Variants in ZCCHC2 observed in about 807,000 individuals in gnomAD.
The protein encoded by ZCCHC2 is zinc finger CCHC domain-containing protein 2.
In ZCCHC2, 39 loss-of-function variants were observed where a neutral mutation model predicts 103.6. The ratio of observed to expected loss-of-function variants is 0.38; its 90% CI spans 0.29 to 0.49. The LOEUF is 0.49. ZCCHC2 is among the 20% of genes least tolerant of loss of function. The pLI is 0.96. For synonymous variants in ZCCHC2, 687 were observed against 608.9 expected, an observed-to-expected ratio of 1.13 and a Z score of -1.89; for missense variants, 1,483 against 1,491.0, an observed-to-expected ratio of 0.99 and a Z score of 0.09.
At chr18:62,560,132 A>G (rs1916055610) in intron 7 of ZCCHC2, among the ~76,000 whole-genome samples, 1 of 152,128 alleles carries the variant, frequency 6.6e-6, no homozygotes, top group South Asian at 2.1e-4. Context: ...GATGAGGGGG[A>G]GTGGAATGGA....
intron 1 of ZCCHC2, among the ~76,000 whole-genome samples, chr18:62,528,088 T>G (rs1914514462): frequency 6.6e-6 from 1 of 152,196 alleles, no homozygotes; most frequent in Non-Finnish European, 1.5e-5. Context: ...TCTCTGGAGA[T>G]TGTGTCACCA....
chr18:62,530,194 T>G (rs1277143173), intron 1 of ZCCHC2, among the ~76,000 whole-genome samples: 2 of 151,990 alleles, frequency 1.3e-5, no homozygotes, highest in African/African-American at 4.8e-5. Context: ...TCAGGAAGAG[T>G]GTCATAGAGG....
Position 62,523,289 on chromosome 18 carries a change from C to CCCCCGG in ZCCHC2, c.-126_-121dup, listed in dbSNP as rs1177308628. 8.3e-6 allele frequency: 7 copies of CCCCCGG among 843,942 alleles called. No individual in the cohort carries two copies. In the South Asian group the frequency reaches 2.1e-4, roughly 25 times the overall value. The allele number at this position is 843,942 out of a possible 1,614,324, so 52.3% of individuals were successfully genotyped here. ...CGCCCCCCTCGCCGGCCGAGACCCG[C>CCCCCGG]CCCCGGCCCCGGCCCTCCCCCGGCG... On this transcript the variant is annotated 5_prime_UTR_variant, in exon 1 of 14. Transcript: ENST00000269499.
chr18:62,532,323 T>C (rs927100717), intron 1 of ZCCHC2, among the ~76,000 whole-genome samples: 2 of 152,242 alleles, frequency 1.3e-5, no homozygotes, highest in African/African-American at 4.8e-5. Flanking sequence ...CATCACATCC[T>C]GAATACACAC....
chr18:62,525,365 T>C (rs1271633903), intron 1 of ZCCHC2: 2 of 151,828 alleles, frequency 1.3e-5, no homozygotes, highest in African/African-American at 4.8e-5. Context: ...TCAGTAAGAG[T>C]GAGAACTGTA....
intron 11 of ZCCHC2, among the ~76,000 whole-genome samples, chr18:62,568,851 A>G (rs1916478188): frequency 6.6e-6 from 1 of 152,236 alleles, no homozygotes; most frequent in Non-Finnish European, 1.5e-5. Context: ...GTCCAATTTA[A>G]TGACAACTTA....
At chr18:62,579,744 C>A (rs562751708), downstream of ZCCHC2, among the ~76,000 whole-genome samples, 24 of 151,844 alleles carry the variant, frequency 1.6e-4, no homozygotes, top group Admixed American at 6.6e-4. Flanking sequence ...TTTTGTGAGA[C>A]ATGCTTTAGC....
chr18:62,576,734 C>A lies in ZCCHC2; in HGVS notation c.*155C>A. 1 of 663,046 alleles carries A rather than the reference C, an allele frequency of 1.5e-6. No homozygotes were observed. The highest frequency in any genetic ancestry group is 2.5e-6 in the Non-Finnish European group (1 of 397,186). 41.1% of individuals were successfully genotyped at this position (663,046 alleles called of 1,614,324 possible). On this transcript the variant is annotated 3_prime_UTR_variant, in exon 14 of 14. Transcript: ENST00000269499. Reference sequence around the variant, plus strand: ...ATTTCTCTTGTACCAATGTCCAAAACAAGAAAGAATGCAATGCTTTTGAGC... The same window carrying A: ...ATTTCTCTTGTACCAATGTCCAAAAAAAGAAAGAATGCAATGCTTTTGAGC...
rs1914192996 is a variant in ZCCHC2 at position 62,523,833 on chromosome 18, C to T, written c.409C>T (p.Leu137=). ...LRFLGSCLED[L]ARKDYHYLRD... ...CTTCCTTGGCTCGTGCCTGGAGGACCTGGCGCGCAAGGACTACCACTACCT... is the reference window on the plus strand; with the variant it reads ...CTTCCTTGGCTCGTGCCTGGAGGACTTGGCGCGCAAGGACTACCACTACCT... The change falls in exon 1 of 14, where the codon CTG becomes TTG. Residue 137 remains leucine (L), a synonymous_variant. Transcript: ENST00000269499. 4.5e-6 allele frequency: 7 copies of T among 1,544,770 alleles called. No homozygotes were observed. In the African/African-American group the frequency reaches 6.9e-5, roughly 15 times the overall value.
At chr18:62,524,910 T>A (rs3810025) in intron 1 of ZCCHC2, 15,463 of 153,596 alleles carry the variant, frequency 0.1, 813 homozygotes, top group Non-Finnish European at 0.11. Context: ...AGGGACTTTT[T>A]TTGCCCAGTG....
intron 2 of ZCCHC2, 143 bp downstream of exon 2, chr18:62,539,935 GTCC>G: frequency 1.5e-6 from 1 of 668,534 alleles, no homozygotes; most frequent in Non-Finnish European, 2.5e-6. Flanking sequence ...TCAAGAGCCA[GTCC>G]TCCTAGTTCT....
At chr18:62,572,426 T>C (rs1916631753) in intron 12 of ZCCHC2, among the ~76,000 whole-genome samples, 1 of 152,174 alleles carries the variant, frequency 6.6e-6, no homozygotes, top group African/African-American at 2.4e-5. Flanking sequence ...TGGAGGCCTG[T>C]GTGGAGGAAC....
At chr18:62,559,907 A>T (rs923948794) in intron 7 of ZCCHC2, among the ~76,000 whole-genome samples, 1 of 152,238 alleles carries the variant, frequency 6.6e-6, no homozygotes, top group Non-Finnish European at 1.5e-5. Flanking sequence ...CATAACAACT[A>T]TTTGCATAGC....
downstream of ZCCHC2, among the ~76,000 whole-genome samples, chr18:62,582,718 G>A (rs918312073): frequency 5.9e-5 from 9 of 152,014 alleles, no homozygotes; most frequent in African/African-American, 1.7e-4. Context: ...TAATCTATGG[G>A]AAAGGTCCAA....
intron 1 of ZCCHC2, among the ~76,000 whole-genome samples, chr18:62,531,240 G>A (rs1914659553): frequency 6.6e-6 from 1 of 152,048 alleles, no homozygotes; most frequent in Non-Finnish European, 1.5e-5. Context: ...TCCTTTTTCT[G>A]TAAACAATCA....
Position 62,524,358 on chromosome 18 carries a change from G to A in ZCCHC2, c.934G>A (p.Ala312Thr). 2.6e-6 allele frequency: 4 copies of A among 1,518,848 alleles called. No homozygotes were observed. The highest frequency in any genetic ancestry group is 2.6e-6 in the Non-Finnish European group (3 of 1,135,292). 94.1% of individuals were successfully genotyped at this position (1,518,848 alleles called of 1,614,324 possible). The change falls in exon 1 of 14, where the codon GCC becomes ACC. Residue 312 changes from alanine to threonine, a missense_variant. Ala to Thr is a moderately conservative substitution (Grantham distance 58, BLOSUM62 0). This residue lies in a region of ZCCHC2 where 568 missense variants were observed against 525.1 expected (regional missense o/e 1.08). Coordinates refer to ENST00000269499, the MANE Select transcript of ZCCHC2 (RefSeq NM_017742.6). The stretch of plus-strand genomic sequence containing the variant: ...GCCGTGCAAGTTTGCCGGCCCCAGG[G>A]CCCAGGTAAGGCGCACGGAGCCTCC... ...VEPCKFAGPRAQNNSAHGDYM... is the reference protein window; with the variant it reads ...VEPCKFAGPRTQNNSAHGDYM...
intron 8 of ZCCHC2, 50 bp from the exon 9 acceptor site, chr18:62,562,959 G>A (rs1486195261): frequency 6.4e-7 from 1 of 1,571,534 alleles, no homozygotes; most frequent in Middle Eastern, 1.7e-4. Context: ...AATGAAATAG[G>A]TTATTATTGA....
At position 62,523,376 on chromosome 18, in the gene ZCCHC2, G is replaced by GGGGGGGGGGGCCCCCC; in HGVS notation, c.-49_-48insGGGGGGGGGGCCCCCC. ...GCCTCGGCCCGTGCTCCACCTCGCG[G>GGGGGGGGGGGCCCCCC]CCCCTCCCGCCCGCCCCCGCTCGCA... On this transcript the variant is annotated 5_prime_UTR_variant, in exon 1 of 14. Transcript: ENST00000269499. 9.9e-7 allele frequency: 1 copy of GGGGGGGGGGGCCCCCC among 1,012,356 alleles called. No homozygotes were observed. Among genetic ancestry groups the GGGGGGGGGGGCCCCCC allele is most frequent in the Non-Finnish European group, 1.2e-6 (1 of 848,992 alleles). The allele number at this position is 1,012,356 out of a possible 1,614,324, so 62.7% of individuals were successfully genotyped here.
chr18:62,524,042 C>A lies in ZCCHC2; in HGVS notation c.618C>A (p.Arg206=). 6.8e-7 allele frequency: 1 copy of A among 1,465,720 alleles called. No individual in the cohort carries two copies. Among genetic ancestry groups the A allele is most frequent in the Non-Finnish European group, 8.9e-7 (1 of 1,120,920 alleles). The allele number at this position is 1,465,720 out of a possible 1,614,324, so 90.8% of individuals were successfully genotyped here. ...PQVDSVLKSL[R]AARGEGSRGG... is the part of the protein sequence containing the mutation. ...TGGACTCGGTGCTCAAAAGCCTGCG[C>A]GCGGCCCGGGGCGAGGGCTCGCGGG... is the stretch of plus-strand genomic sequence containing the variant. The change falls in exon 1 of 14, where the codon CGC becomes CGA. Residue 206 remains arginine (R), a synonymous_variant. Coordinates refer to ENST00000269499, the MANE Select transcript of ZCCHC2 (RefSeq NM_017742.6).
Sources: gnomAD v4.1 joint callset for allele counts (sites outside exome capture counted in the v4.1 genomes callset) on GRCh38, gnomAD v4.1.1 for gene constraint, gnomAD v4.1.1 regional missense constraint, MANE v1.5 for transcripts, NCBI Gene and HGNC (gene_info 2026-07-23, HGNC 2026-07-21) for gene names.